CEP57: variants seen among roughly 807,000 people sequenced by gnomAD.
CEP57 encodes the protein centrosomal protein 57.
A neutral mutation model predicts 68.0 loss-of-function variants in CEP57; 40 were observed. The ratio of observed to expected loss-of-function variants is 0.59; its 90% CI spans 0.46 to 0.77. The LOEUF is 0.77. CEP57 is among the 30% of genes least tolerant of loss of function. The probability of loss-of-function intolerance (pLI) is 0.00; values close to 1 mark genes in which losing one functional copy is unlikely to be tolerated. For missense variants in CEP57, 606 were observed against 580.7 expected (o/e 1.04, Z -0.45); for synonymous variants, 219 against 198.7 (o/e 1.10, Z -0.86).
rs927135265 is a variant in CEP57, at chr11:95,808,795, C to T, written c.203-4137C>T. Among the ~76,000 whole-genome samples the T allele has an allele frequency of 1.4e-4, 21 of 152,108 alleles. 1 individual carries two copies. Among genetic ancestry groups the T allele is most frequent in the African/African-American group, 4.6e-4 (19 of 41,410 alleles). On this transcript the variant is annotated intron_variant, in intron 2 of 10. Coordinates refer to ENST00000325542, the MANE Select transcript of CEP57 (RefSeq NM_014679.5). ...CCACTGTCAACATTAGACAGATCAG[C>T]GAGACAGAAAGTTAACAAGGATATC...
At chr11:95,821,797 T>C in intron 6 of CEP57, 74 bp from the exon 7 acceptor site, 2 of 1,040,744 alleles carry the variant, frequency 1.9e-6, no homozygotes, top group Non-Finnish European at 3.0e-6. Context: ...ACAGGCTTTT[T>C]ACATGACACA....
At chr11:95,828,395 A>G (rs1181178243) in intron 9 of CEP57, among the ~76,000 whole-genome samples, 1 of 152,188 alleles carries the variant, frequency 6.6e-6, no homozygotes, top group Non-Finnish European at 1.5e-5. Context: ...TATTGCTCCT[A>G]GGCTACAAAC....
chr11:95,818,719 C>T, intron 5 of CEP57, 108 bp from the exon 6 acceptor site: 1 of 832,914 alleles, frequency 1.2e-6, no homozygotes, highest in Non-Finnish European at 2.1e-6. Flanking sequence ...GATCTAACCA[C>T]CTTATATTGA....
At chr11:95,818,457 C>T (rs1172141467) in intron 5 of CEP57, among the ~76,000 whole-genome samples, 1 of 151,804 alleles carries the variant, frequency 6.6e-6, no homozygotes, top group Non-Finnish European at 1.5e-5. Context: ...TTAAGGCTTG[C>T]ATCACTTGGT....
At chr11:95,826,438 T>G (rs1862746206) in intron 8 of CEP57, 1 of 151,954 alleles carries the variant, frequency 6.6e-6, no homozygotes, top group Non-Finnish European at 1.5e-5. Context: ...GCCTGTTTGG[T>G]GGGGGAGTTG....
chr11:95,824,046 T>C (rs1328566183), intron 8 of CEP57, among the ~76,000 whole-genome samples: 1 of 75,140 alleles, frequency 1.3e-5, no homozygotes, highest in Non-Finnish European at 2.7e-5. Context: ...CATTTCAAAA[T>C]AAATGAATCC....
chr11:95,822,609 C>T (rs1388042965), intron 8 of CEP57, 33 bp downstream of exon 8: 1 of 1,524,342 alleles, frequency 6.6e-7, no homozygotes, highest in Non-Finnish European at 9.1e-7. Flanking sequence ...TCTTTTTATA[C>T]AACATTGATC....
rs1237745286 is a variant in CEP57, at chr11:95,817,889, C to A, written c.607C>A (p.Gln203Lys). The A allele has an allele frequency of 6.2e-7, 1 of 1,607,868 alleles. No individual in the cohort carries two copies. The highest frequency in any genetic ancestry group is 1.1e-5 in the South Asian group (1 of 90,938). Reference sequence around the variant, plus strand: ...GGAGTATAACAAACTTACCACAATGCAGGCCCTTGCAGAAGTCAGTGCATG... The same window carrying A: ...GGAGTATAACAAACTTACCACAATGAAGGCCCTTGCAGAAGTCAGTGCATG... The part of the protein sequence containing the change: ...EQEYNKLTTM[Q>K]ALAEKKMQEL... The change falls in exon 5 of 11, where the codon CAG becomes AAG. Residue 203 changes from glutamine to lysine, a missense_variant. Transcript: ENST00000325542.
chr11:95,808,011 A>G (rs1486501279), intron 2 of CEP57, among the ~76,000 whole-genome samples: 1 of 152,256 alleles, frequency 6.6e-6, no homozygotes. Flanking sequence ...TCAGACTAAC[A>G]GCAGATCTCT....
intron 2 of CEP57, among the ~76,000 whole-genome samples, chr11:95,804,782 CACAT>C (rs1211621250): frequency 5.9e-5 from 9 of 152,124 alleles, no homozygotes; most frequent in Non-Finnish European, 1.3e-4. Context: ...AGGTCAATCT[CACAT>C]ATAAAAGCAT....
chr11:95,809,376 GAC>G (rs1209924496), intron 2 of CEP57, among the ~76,000 whole-genome samples: 2 of 152,140 alleles, frequency 1.3e-5, no homozygotes, highest in Non-Finnish European at 2.9e-5. Flanking sequence ...AGGAGATAGA[GAC>G]ACAAAAAACC....
At chr11:95,818,326 G>T (rs143555014) in intron 5 of CEP57, among the ~76,000 whole-genome samples, 72 of 150,994 alleles carry the variant, frequency 4.8e-4, no homozygotes, top group African/African-American at 1.7e-3. Context: ...CAGGAGAATC[G>T]CTTGAAACCA....
chr11:95,797,154 C>T (rs1357959878), intron 1 of CEP57, among the ~76,000 whole-genome samples: 1 of 122,490 alleles, frequency 8.2e-6, no homozygotes, highest in Admixed American at 8.3e-5. Context: ...TCTTCCCCCC[C>T]ACCCCACCCC....
chr11:95,805,180 T>G (rs530670452), intron 2 of CEP57, among the ~76,000 whole-genome samples: 4 of 152,310 alleles, frequency 2.6e-5, no homozygotes, highest in African/African-American at 9.6e-5. Flanking sequence ...TACAAAGTCT[T>G]TAGTGAATTT....
At chr11:95,814,509 T>TG (rs1201392495) in intron 4 of CEP57, among the ~76,000 whole-genome samples, 1 of 151,978 alleles carries the variant, frequency 6.6e-6, no homozygotes, top group Non-Finnish European at 1.5e-5. Context: ...TACAGGCATG[T>TG]GCCACCACAC....
At chr11:95,797,390 A>T (rs1264241610) in intron 1 of CEP57, among the ~76,000 whole-genome samples, 1 of 151,862 alleles carries the variant, frequency 6.6e-6, no homozygotes, top group Admixed American at 6.6e-5. Context: ...CTGGTCTCGA[A>T]CTCCTGACCT....
At position 95,812,945 on chromosome 11, in the gene CEP57, T is replaced by C; in HGVS notation, c.216T>C (p.Ala72=). The C allele has an allele frequency of 6.2e-7, 1 of 1,613,996 alleles. No individual in the cohort carries two copies. Among genetic ancestry groups the C allele is most frequent in the Non-Finnish European group, 8.5e-7 (1 of 1,179,970 alleles). ...TGTATTTGGCAGCCATATTTTCTGC[T>C]CTTAAGAATCTTCAAGATAAGATTC... ...PESNSRAIFS[A]LKNLQDKIRR... The change falls in exon 3 of 11, where the codon GCT becomes GCC. Residue 72 remains alanine (A), a synonymous_variant. Transcript: ENST00000325542.
At chr11:95,795,576 T>TA in intron 1 of CEP57, 1 of 538,760 alleles carries the variant, frequency 1.9e-6, no homozygotes, top group Non-Finnish European at 3.3e-6. Flanking sequence ...ATCTTTGTCT[T>TA]ACTCCTGATT....
intron 6 of CEP57, among the ~76,000 whole-genome samples, chr11:95,821,129 T>C (rs1204157010): frequency 6.6e-6 from 1 of 152,208 alleles, no homozygotes; most frequent in Non-Finnish European, 1.5e-5. Context: ...GTCCAAATTG[T>C]CCTCATAAAC....
Sources: allele counts gnomAD v4.1 joint callset (sites outside exome capture counted in the v4.1 genomes callset), GRCh38; gene constraint gnomAD v4.1.1; transcripts MANE v1.5; gene names NCBI Gene and HGNC (gene_info 2026-07-23, HGNC 2026-07-21).